Variants in ATF6 observed in about 807,000 individuals in gnomAD.
ATF6 encodes activating transcription factor 6, also known as cyclic AMP-dependent transcription factor ATF-6 alpha.
ATF6 carries 53 observed loss-of-function variants against 83.6 expected under a neutral mutation model. That is an observed-to-expected ratio of 0.63 (90% confidence interval 0.51 to 0.80). The LOEUF (loss-of-function observed/expected upper bound fraction) is 0.80. Ranked by LOEUF, ATF6 falls within the 30% of genes least tolerant of loss-of-function variation. ATF6 has a pLI of 0.00. For missense variants in ATF6, 744 were observed against 797.9 expected (o/e 0.93, Z 0.81); for synonymous variants, 288 against 285.8 (o/e 1.01, Z -0.08).
chr1:161,945,511 G>A (rs1224456542), intron 15 of ATF6, among the ~76,000 whole-genome samples: 1 of 152,142 alleles, frequency 6.6e-6, no homozygotes, highest in Non-Finnish European at 1.5e-5. Flanking sequence ...TCACAGATAA[G>A]TCTTGCAGTT....
chr1:161,914,117 G>A (rs970735806), intron 15 of ATF6, among the ~76,000 whole-genome samples: 6 of 152,098 alleles, frequency 3.9e-5, no homozygotes, highest in Non-Finnish European at 7.4e-5. Context: ...TTTAGGATAA[G>A]TCCTATTAAA....
intron 1 of ATF6, among the ~76,000 whole-genome samples, chr1:161,767,630 C>T (rs1011968375): frequency 1.3e-5 from 2 of 152,156 alleles, no homozygotes; most frequent in African/African-American, 4.8e-5. Context: ...AGAATTTGTG[C>T]TCAGATTCTT....
chr1:161,887,668 A>G (rs1687455447), intron 14 of ATF6, among the ~76,000 whole-genome samples: 1 of 152,206 alleles, frequency 6.6e-6, no homozygotes, highest in Admixed American at 6.5e-5. Context: ...TTGTGATATA[A>G]TATGTTGCTT....
chr1:161,839,768 G>T (rs1686310343), intron 9 of ATF6, among the ~76,000 whole-genome samples: 1 of 152,214 alleles, frequency 6.6e-6, no homozygotes. Context: ...ATCTGAGGAA[G>T]AACAGCATTC....
intron 10 of ATF6, 88 bp downstream of exon 10, chr1:161,846,668 A>G (rs1686493880): frequency 1.5e-6 from 2 of 1,318,430 alleles, no homozygotes; most frequent in Non-Finnish European, 2.0e-6. Flanking sequence ...TTGCATCTAA[A>G]TTGTTCGTGT....
At chr1:161,822,251 TG>T (rs1295395050) in intron 9 of ATF6, among the ~76,000 whole-genome samples, 2 of 152,166 alleles carry the variant, frequency 1.3e-5, no homozygotes, top group African/African-American at 4.8e-5. Flanking sequence ...AACAAGAATC[TG>T]GGGGACACCA....
chr1:161,886,392 GA>G (rs1429333551), intron 14 of ATF6, among the ~76,000 whole-genome samples: 8 of 152,100 alleles, frequency 5.3e-5, no homozygotes, highest in Non-Finnish European at 1.0e-4. Context: ...CTAAATTCTA[GA>G]AACATCTTAT....
At chr1:161,817,185 C>A (rs1462813011) in intron 7 of ATF6, among the ~76,000 whole-genome samples, 1 of 152,116 alleles carries the variant, frequency 6.6e-6, no homozygotes. Flanking sequence ...TATAGAAATG[C>A]CTAATCCTTG....
At chr1:161,942,477 C>G (rs1007924075) in intron 15 of ATF6, among the ~76,000 whole-genome samples, 17 of 152,132 alleles carry the variant, frequency 1.1e-4, no homozygotes, top group Non-Finnish European at 2.1e-4. Flanking sequence ...TGCAACCACC[C>G]TATGGGTTAG....
intron 2 of ATF6, among the ~76,000 whole-genome samples, chr1:161,779,919 G>T (rs1684595589): frequency 6.6e-6 from 1 of 151,894 alleles, no homozygotes; most frequent in South Asian, 2.1e-4. Context: ...TGTATTTTTA[G>T]TAGAGACGGG....
intron 15 of ATF6, among the ~76,000 whole-genome samples, chr1:161,950,822 T>C (rs943458637): frequency 5.3e-5 from 8 of 152,250 alleles, no homozygotes; most frequent in Non-Finnish European, 1.2e-4. Flanking sequence ...TTTGGTAGTC[T>C]AGAAACTCTA....
intron 15 of ATF6, among the ~76,000 whole-genome samples, chr1:161,956,453 A>G (rs1198424894): frequency 6.6e-6 from 1 of 152,202 alleles, no homozygotes; most frequent in Non-Finnish European, 1.5e-5. Context: ...TCTTTCTTTC[A>G]TCTCCTACTT....
chr1:161,832,107 A>G (rs1385198121), intron 9 of ATF6, among the ~76,000 whole-genome samples: 4 of 152,144 alleles, frequency 2.6e-5, no homozygotes, highest in South Asian at 2.1e-4. Context: ...CTGAAAGACT[A>G]TAGATATTTG....
At chr1:161,789,198 T>TA (rs1255131150) in intron 4 of ATF6, among the ~76,000 whole-genome samples, 4 of 151,622 alleles carry the variant, frequency 2.6e-5, no homozygotes, top group Non-Finnish European at 5.9e-5. Flanking sequence ...ACTAAGCTCT[T>TA]ATTGAGTATA....
Position 161,863,228 on chromosome 1 carries a change from T to C in ATF6, c.1635T>C (p.Tyr545=). 1 of 1,611,864 alleles carries C rather than the reference T, an allele frequency of 6.2e-7. No individual in the cohort carries two copies. The highest frequency in any genetic ancestry group is 8.5e-7 in the Non-Finnish European group (1 of 1,178,124). ...SRNSGSELQV[Y]YASPRSYQDF... ...ACTCAGGGAGTGAGCTACAAGTGTATTATGCTTCACCCAGAAGTTATCAAG... is the reference window on the plus strand; with the variant it reads ...ACTCAGGGAGTGAGCTACAAGTGTACTATGCTTCACCCAGAAGTTATCAAG... The change falls in exon 14 of 16, where the codon TAT becomes TAC. Residue 545 remains tyrosine, a synonymous_variant. Coordinates refer to ENST00000367942, the MANE Select transcript of ATF6 (RefSeq NM_007348.4).
chr1:161,812,322 T>G (rs1685488343), intron 7 of ATF6, among the ~76,000 whole-genome samples: 1 of 150,338 alleles, frequency 6.7e-6, no homozygotes, highest in Non-Finnish European at 1.5e-5. Context: ...TGTTTTAATT[T>G]TAAAACTTAA....
rs988010104 is a variant in ATF6, at chr1:161,864,112, G to A, written c.1719+800G>A. ...TTTAAACAAGAGAAGGGACCTCACT[G>A]TGTTGCCCAGGCTGGACTCAAACCC... On this transcript the variant is annotated intron_variant, in intron 14 of 15. Transcript: ENST00000367942. Among the ~76,000 whole-genome samples, 7 of 151,128 alleles carry A rather than the reference G, an allele frequency of 4.6e-5. No homozygotes were observed. In the East Asian group the frequency reaches 1.4e-3, roughly 29 times the overall value.
Position 161,781,975 on chromosome 1 carries a change from G to T in ATF6, c.223G>T (p.Asp75Tyr). ...GATGCCTTGGGAGTCAGACATTTGG[G>T]ACATCAACAACCAAATCTGTACAGG... is the stretch of plus-strand genomic sequence containing the variant. ...DLMPWESDIW[D>Y]INNQICTVKD... Residue 75 changes from aspartate (D) to tyrosine (Y), a missense_variant, in exon 3 of 16, where the codon GAC becomes TAC. Coordinates refer to ENST00000367942, the MANE Select transcript of ATF6 (RefSeq NM_007348.4). 1 of 1,609,530 alleles carries T rather than the reference G, an allele frequency of 6.2e-7. No individual in the cohort carries two copies. Among genetic ancestry groups the T allele is most frequent in the Non-Finnish European group, 8.5e-7 (1 of 1,177,290 alleles).
intron 1 of ATF6, among the ~76,000 whole-genome samples, chr1:161,767,388 A>G (rs1010693805): frequency 2.0e-5 from 3 of 152,224 alleles, no homozygotes; most frequent in Admixed American, 1.3e-4. Flanking sequence ...CTAAAACTAT[A>G]TTCTATTGGA....
Sources: allele counts gnomAD v4.1 joint callset (sites outside exome capture counted in the v4.1 genomes callset), GRCh38; gene constraint gnomAD v4.1.1; transcripts MANE v1.5; gene names NCBI Gene and HGNC (gene_info 2026-07-23, HGNC 2026-07-21).